Variants in PID1 observed in about 807,000 individuals in gnomAD.
PID1 encodes the protein phosphotyrosine interaction domain containing 1.
In PID1, 10 loss-of-function variants were observed where a neutral mutation model predicts 19.1. The observed-to-expected ratio is 0.52, with a 90% CI of 0.32 to 0.89. The LOEUF (loss-of-function observed/expected upper bound fraction) is 0.89, where lower values mean the gene tolerates loss of function less well. Among genes scored for constraint, PID1 ranks in the 40% least tolerant of loss-of-function variants. The pLI, the probability that PID1 is intolerant of heterozygous loss-of-function variation, is 0.03. For synonymous variants in PID1, 130 were observed against 116.0 expected, an observed-to-expected ratio of 1.12 and a Z score of -0.78; for missense variants, 248 against 285.3, an observed-to-expected ratio of 0.87 and a Z score of 0.94.
At chr2:229,243,339 G>A (rs951887685) in intron 1 of PID1, among the ~76,000 whole-genome samples, 1 of 152,002 alleles carries the variant, frequency 6.6e-6, no homozygotes, top group East Asian at 1.9e-4. Flanking sequence ...ATTTGGGTGG[G>A]GACAGAGCCA....
intron 2 of PID1, among the ~76,000 whole-genome samples, chr2:229,103,421 C>T (rs1200530141): frequency 6.6e-6 from 1 of 152,166 alleles, no homozygotes; most frequent in Non-Finnish European, 1.5e-5. Context: ...AGAGCTGAAA[C>T]CCTGAACCCT....
intron 1 of PID1, among the ~76,000 whole-genome samples, chr2:229,269,914 T>C (rs1690690598): frequency 6.6e-6 from 1 of 152,210 alleles, no homozygotes; most frequent in Non-Finnish European, 1.5e-5. Context: ...GTGGGGCATC[T>C]GTTTCTGCTA....
In PID1 at chr2:229,065,710, T is replaced by C. The variant is rs1170968457; in HGVS notation, c.178-39602A>G. On this transcript the variant is annotated intron_variant, in intron 2 of 2. Transcript: ENST00000392055. ...AGCTACAAATGGGTCTTTTGTGATT[T>C]ACAAAAAAAAAAAAAAAAAAAACAG... Among the ~76,000 whole-genome samples, 6 of 4,350 alleles carry C rather than the reference T, an allele frequency of 1.4e-3. No homozygotes were observed. The South Asian group carries it at 0.048, about 35-fold the overall frequency. The allele number at this position is 4,350 out of a possible 152,430, so 2.9% of individuals were successfully genotyped here. A position where few individuals can be genotyped will look rare whatever the true frequency, so the allele number is the denominator to read the frequency against.
chr2:229,262,035 T>C (rs1260010331), intron 1 of PID1, among the ~76,000 whole-genome samples: 1 of 152,134 alleles, frequency 6.6e-6, no homozygotes, highest in East Asian at 1.9e-4. Flanking sequence ...ACCATGAGGC[T>C]CACCTGGAGG....
intron 2 of PID1, among the ~76,000 whole-genome samples, chr2:229,047,790 A>G (rs1559209181): frequency 6.6e-6 from 1 of 152,182 alleles, no homozygotes; most frequent in African/African-American, 2.4e-5. Context: ...CAACTCTCAC[A>G]ACACCTCTTA....
At chr2:229,163,683 G>GCGCGCGCA (rs1559264460) in intron 1 of PID1, among the ~76,000 whole-genome samples, 147 of 39,424 alleles carry the variant, frequency 3.7e-3, no homozygotes, top group African/African-American at 6.5e-3. Context: ...GTGCGTGTGC[G>GCGCGCGCA]TGTGTGTGTG....
intron 2 of PID1, among the ~76,000 whole-genome samples, chr2:229,093,416 G>T (rs1031987961): frequency 5.3e-5 from 8 of 151,710 alleles, no homozygotes; most frequent in African/African-American, 1.9e-4. Context: ...GAGCCATCAA[G>T]CCTCGCCCCC....
intron 2 of PID1, among the ~76,000 whole-genome samples, chr2:229,146,367 A>G (rs1377454848): frequency 6.6e-6 from 1 of 152,136 alleles, no homozygotes; most frequent in African/African-American, 2.4e-5. Flanking sequence ...TAGGACAAAT[A>G]CCTAATGCAT....
intron 1 of PID1, among the ~76,000 whole-genome samples, chr2:229,167,785 G>T (rs1307756851): frequency 6.6e-6 from 1 of 152,080 alleles, no homozygotes; most frequent in Non-Finnish European, 1.5e-5. Context: ...GGGGACGCTT[G>T]AAAATTATAC....
chr2:229,044,152 T>C (rs1693827987), intron 2 of PID1, among the ~76,000 whole-genome samples: 1 of 152,134 alleles, frequency 6.6e-6, no homozygotes, highest in South Asian at 2.1e-4. Context: ...CATGTGGCTG[T>C]TTGCATATTG....
chr2:229,093,794 A>T (rs1694922384), intron 2 of PID1, among the ~76,000 whole-genome samples: 1 of 152,204 alleles, frequency 6.6e-6, no homozygotes. Context: ...CTAGGCATAG[A>T]AAGAGCATAC....
chr2:229,044,029 G>A (rs147888175), intron 2 of PID1, among the ~76,000 whole-genome samples: 192 of 152,266 alleles, frequency 1.3e-3, no homozygotes, highest in Non-Finnish European at 1.9e-3. Flanking sequence ...TACAGAAACC[G>A]TGACTCACAG....
chr2:229,174,232 G>C (rs1340800098), intron 1 of PID1, among the ~76,000 whole-genome samples: 1 of 152,178 alleles, frequency 6.6e-6, no homozygotes, highest in Non-Finnish European at 1.5e-5. Flanking sequence ...CTTGCTGTGT[G>C]TGCAATTTGG....
At chr2:229,116,897 C>T (rs10490031) in intron 2 of PID1, among the ~76,000 whole-genome samples, 29,043 of 151,848 alleles carry the variant, frequency 0.19, 3,650 homozygotes, top group East Asian at 0.4. Flanking sequence ...TAAACACTGC[C>T]TTCAACTTTG....
intron 2 of PID1, among the ~76,000 whole-genome samples, chr2:229,090,831 C>G (rs1694857469): frequency 6.6e-6 from 1 of 152,176 alleles, no homozygotes; most frequent in African/African-American, 2.4e-5. Context: ...TACTATGTGC[C>G]AGGCACTGTG....
At chr2:229,115,247 T>C (rs796328271) in intron 2 of PID1, among the ~76,000 whole-genome samples, 4 of 151,862 alleles carry the variant, frequency 2.6e-5, no homozygotes, top group African/African-American at 9.7e-5. Flanking sequence ...TGGCTCAGAC[T>C]TGTAATCCCA....
chr2:229,041,825 C>T (rs542913173), intron 2 of PID1, among the ~76,000 whole-genome samples: 2 of 151,748 alleles, frequency 1.3e-5, no homozygotes, highest in Non-Finnish European at 1.5e-5. Flanking sequence ...AATGGAAGGG[C>T]ATTGCTTAAA....
At chr2:229,224,545 C>T (rs897501892) in intron 1 of PID1, among the ~76,000 whole-genome samples, 5 of 152,088 alleles carry the variant, frequency 3.3e-5, no homozygotes, top group African/African-American at 9.7e-5. Context: ...GAAATTGCTA[C>T]CCATTTATTC....
intron 2 of PID1, among the ~76,000 whole-genome samples, chr2:229,106,586 G>A (rs1323112983): frequency 1.3e-5 from 2 of 152,150 alleles, no homozygotes; most frequent in African/African-American, 4.8e-5. Context: ...AAGCTTGAGG[G>A]AACTTGCTCA....
Sources: gnomAD v4.1 joint callset for allele counts (sites outside exome capture counted in the v4.1 genomes callset) on GRCh38, gnomAD v4.1.1 for gene constraint, MANE v1.5 for transcripts, NCBI Gene and HGNC (gene_info 2026-07-23, HGNC 2026-07-21) for gene names.